ZNF804B: variants seen among roughly 807,000 people sequenced by gnomAD.
ZNF804B encodes zinc finger 804B.
A neutral mutation model predicts 101.4 loss-of-function variants in ZNF804B; 80 were observed. That is an observed-to-expected ratio of 0.79 (90% CI 0.66 to 0.95). The LOEUF is 0.95. Ranked by LOEUF, ZNF804B falls within the 40% of genes least tolerant of loss-of-function variation. The pLI is 0.00. For synonymous variants in ZNF804B, 622 were observed against 558.8 expected (o/e 1.11, Z -1.59); for missense variants, 1,673 against 1,561.9 (o/e 1.07, Z -1.20).
intron 1 of ZNF804B, among the ~76,000 whole-genome samples, chr7:88,809,945 T>G (rs994582228): frequency 3.9e-5 from 6 of 152,200 alleles, no homozygotes; most frequent in Non-Finnish European, 1.5e-5. Context: ...TCTCATGTAT[T>G]CATGCCAAGT....
chr7:88,843,748 A>C (rs1791323401), intron 1 of ZNF804B, among the ~76,000 whole-genome samples: 1 of 152,186 alleles, frequency 6.6e-6, no homozygotes, highest in African/African-American at 2.4e-5. Flanking sequence ...AAAGAAAAAA[A>C]ATAATAAATA....
intron 1 of ZNF804B, among the ~76,000 whole-genome samples, chr7:89,080,763 G>A (rs1789685021): frequency 6.6e-6 from 1 of 151,910 alleles, no homozygotes; most frequent in Admixed American, 6.6e-5. Context: ...ATGAAGAGCT[G>A]CCTTATTCTT....
intron 1 of ZNF804B, among the ~76,000 whole-genome samples, chr7:88,976,637 C>A (rs1430639935): frequency 6.6e-6 from 1 of 151,528 alleles, no homozygotes. Context: ...TTGGTGAACT[C>A]TTTCAGTTTT....
At chr7:88,792,218 G>C (rs988440269) in intron 1 of ZNF804B, among the ~76,000 whole-genome samples, 1 of 152,044 alleles carries the variant, frequency 6.6e-6, no homozygotes. Flanking sequence ...CAAGGGGAGA[G>C]AGTTAGAAGC....
At chr7:88,870,400 A>AAAAAAAAAAAAAAAAAAAAAAAAAAAAG (rs781332488) in intron 1 of ZNF804B, among the ~76,000 whole-genome samples, 29 of 112,550 alleles carry the variant, frequency 2.6e-4, no homozygotes, top group Middle Eastern at 4.4e-3. Flanking sequence ...AAAAAAAAAA[A>AAAAAAAAAAAAAAAAAAAAAAAAAAAAG]AAAAAAAGGT....
chr7:89,258,840 G>T (rs1007322170), intron 2 of ZNF804B, among the ~76,000 whole-genome samples: 1 of 152,074 alleles, frequency 6.6e-6, no homozygotes, highest in Non-Finnish European at 1.5e-5. Context: ...TCATTATAAA[G>T]GTTTTCATCT....
chr7:89,260,516 A>G (rs183434529), intron 2 of ZNF804B, among the ~76,000 whole-genome samples: 81 of 152,282 alleles, frequency 5.3e-4, no homozygotes, highest in South Asian at 8.3e-4. Context: ...AGCTATTTCT[A>G]TAATCATCAA....
chr7:88,894,202 T>C (rs1792252113), intron 1 of ZNF804B, among the ~76,000 whole-genome samples: 1 of 152,086 alleles, frequency 6.6e-6, no homozygotes, highest in South Asian at 2.1e-4. Flanking sequence ...AGTTAAATTT[T>C]AAAACTATGC....
chr7:89,174,398 A>G (rs1791286596), intron 1 of ZNF804B, among the ~76,000 whole-genome samples: 1 of 151,920 alleles, frequency 6.6e-6, no homozygotes, highest in Non-Finnish European at 1.5e-5. Context: ...CTACAGTTCC[A>G]TCTATGTTGT....
At chr7:89,200,997 C>T (rs192203841) in intron 1 of ZNF804B, among the ~76,000 whole-genome samples, 3 of 152,120 alleles carry the variant, frequency 2.0e-5, no homozygotes, top group African/African-American at 7.2e-5. Context: ...AGGCATGCAA[C>T]TAATGAAGAG....
intron 1 of ZNF804B, among the ~76,000 whole-genome samples, chr7:88,925,707 G>A (rs890696215): frequency 6.6e-6 from 1 of 152,202 alleles, no homozygotes; most frequent in Non-Finnish European, 1.5e-5. Context: ...CTATCTAGCT[G>A]CAGCAGCCGG....
At chr7:89,026,624 AG>A (rs369823107) in intron 1 of ZNF804B, among the ~76,000 whole-genome samples, 92 of 152,268 alleles carry the variant, frequency 6.0e-4, no homozygotes, top group African/African-American at 2.2e-3. Context: ...AACATTTCAG[AG>A]GCACAAATGA....
chr7:89,112,766 GA>G (rs1284654075), intron 1 of ZNF804B, among the ~76,000 whole-genome samples: 2 of 152,172 alleles, frequency 1.3e-5, no homozygotes, highest in African/African-American at 2.4e-5. Context: ...AGTAAAGAGT[GA>G]AGAGAGAGGA....
chr7:88,999,417 G>A (rs1460508424), intron 1 of ZNF804B, among the ~76,000 whole-genome samples: 1 of 151,876 alleles, frequency 6.6e-6, no homozygotes, highest in African/African-American at 2.4e-5. Flanking sequence ...TCTTTCAACT[G>A]GACTTATGCA....
At chr7:89,030,215 A>G (rs1414521613) in intron 1 of ZNF804B, among the ~76,000 whole-genome samples, 1 of 152,124 alleles carries the variant, frequency 6.6e-6, no homozygotes, top group Non-Finnish European at 1.5e-5. Context: ...CCACTGACCA[A>G]TAGGAAGCTC....
intron 2 of ZNF804B, among the ~76,000 whole-genome samples, chr7:89,225,480 C>G (rs1789075578): frequency 6.6e-6 from 1 of 152,116 alleles, no homozygotes; most frequent in African/African-American, 2.4e-5. Flanking sequence ...GCCACTGTGT[C>G]TCTAGAACTT....
intron 1 of ZNF804B, among the ~76,000 whole-genome samples, chr7:88,856,955 G>A (rs1198211930): frequency 1.3e-5 from 2 of 152,120 alleles, no homozygotes; most frequent in Non-Finnish European, 2.9e-5. Flanking sequence ...CAGGGATGAA[G>A]CCCACTTGAT....
At chr7:88,761,522 G>A (rs1789896162) in intron 1 of ZNF804B, among the ~76,000 whole-genome samples, 2 of 152,168 alleles carry the variant, frequency 1.3e-5, no homozygotes, top group Non-Finnish European at 2.9e-5. Context: ...CCACTTTAAT[G>A]TTTAACAACT....
Position 88,759,709 on chromosome 7 carries a change from G to A in ZNF804B, c.-268G>A, listed in dbSNP as rs985393710. The A allele has an allele frequency of 4.3e-6, 2 of 464,102 alleles. No individual in the cohort carries two copies. The highest frequency in any genetic ancestry group is 3.1e-5 in the South Asian group (1 of 31,832). 28.7% of individuals were successfully genotyped at this position (464,102 alleles called of 1,614,324 possible). On this transcript the variant is annotated 5_prime_UTR_variant, in exon 1 of 4. Coordinates refer to ENST00000333190, the MANE Select transcript of ZNF804B (RefSeq NM_181646.5). ...TGGCCCGCGGTTGAGCAGCCACCTC[G>A]TCAGAGCAGCATGTGGACTGGCTCG...
Sources: allele counts gnomAD v4.1 joint callset (sites outside exome capture counted in the v4.1 genomes callset), GRCh38; gene constraint gnomAD v4.1.1; transcripts MANE v1.5; gene names NCBI Gene and HGNC (gene_info 2026-07-23, HGNC 2026-07-21).